Variants in CAPN11 observed in about 807,000 individuals in gnomAD.
The protein encoded by CAPN11 is calpain-11.
Under a neutral mutation model 105.3 loss-of-function variants are expected in CAPN11, and 108 were observed. The ratio of observed to expected loss-of-function variants is 1.03; its 90% CI spans 0.88 to 1.20. The LOEUF (loss-of-function observed/expected upper bound fraction) is 1.20. Ranked by LOEUF, CAPN11 falls within the 50% of genes most tolerant of loss-of-function variation. CAPN11 has a pLI of 0.00. For missense variants in CAPN11, 883 were observed against 924.8 expected, an observed-to-expected ratio of 0.95 and a Z score of 0.59; for synonymous variants, 329 against 344.5, an observed-to-expected ratio of 0.96 and a Z score of 0.50.
chr6:44,183,663 CTT>C, intron 21 of CAPN11, 40 bp from the exon 22 acceptor site: 1 of 1,594,368 alleles, frequency 6.3e-7, no homozygotes, highest in Non-Finnish European at 8.6e-7. Context: ...GGAACACTGA[CTT>C]AGCATTCAGC....
At chr6:44,165,375 G>A (rs940029443) in intron 1 of CAPN11, among the ~76,000 whole-genome samples, 18 of 152,240 alleles carry the variant, frequency 1.2e-4, no homozygotes, top group African/African-American at 4.1e-4. Flanking sequence ...CCATCTCACA[G>A]GTGGAGAAGC....
At chr6:44,175,427 C>A (rs1440515244) in intron 7 of CAPN11, among the ~76,000 whole-genome samples, 1 of 152,018 alleles carries the variant, frequency 6.6e-6, no homozygotes, top group African/African-American at 2.4e-5. Context: ...CTGCAGTGAA[C>A]CGAGATCACA....
At position 44,181,177 on chromosome 6, in the gene CAPN11, A is replaced by AG. The variant is rs1297958705; in HGVS notation, c.1870-73dup. On this transcript the variant is annotated intron_variant, in intron 18 of 22. Coordinates refer to ENST00000398776, the MANE Select transcript of CAPN11 (RefSeq NM_007058.4). ...AACCCCAGGGCTTGTGTGTCCCCTC[A>AG]GGAACCCCCGCTGCTTCCCTATCCC... is the stretch of plus-strand genomic sequence containing the variant. 4.8e-5 allele frequency: 68 copies of AG among 1,408,030 alleles called. No homozygotes were observed. The East Asian group carries it at 1.4e-3, about 30-fold the overall frequency. 87.2% of individuals were successfully genotyped at this position (1,408,030 alleles called of 1,614,324 possible).
rs368155817 is a variant in CAPN11, at chr6:44,169,299, C to T, written c.107C>T (p.Thr36Met). ...TAAGCAGAGCCCACTTTTACTGATACGGGAATGGTGGCTCACATAAACAAC... is the reference window on the plus strand; with the variant it reads ...TAAGCAGAGCCCACTTTTACTGATATGGGAATGGTGGCTCACATAAACAAC... ...GSCAEPTFTD[T>M]GMVAHINNSR... The change falls in exon 3 of 23, where the codon ACG (threonine) becomes ATG (methionine). Residue 36 changes from threonine to methionine, a missense_variant. By Grantham distance (81) the Thr-to-Met change is moderately conservative. Coordinates refer to ENST00000398776, the MANE Select transcript of CAPN11 (RefSeq NM_007058.4). 2.5e-5 allele frequency: 41 copies of T among 1,609,510 alleles called. No individual in the cohort carries two copies. The highest frequency in any genetic ancestry group is 1.9e-4 in the African/African-American group (14 of 74,672).
intron 1 of CAPN11, among the ~76,000 whole-genome samples, chr6:44,163,790 T>A (rs1769331671): frequency 6.6e-6 from 1 of 152,182 alleles, no homozygotes; most frequent in Admixed American, 6.5e-5. Context: ...ACAGGCTCTG[T>A]GGAGAAGCAA....
intron 5 of CAPN11, among the ~76,000 whole-genome samples, chr6:44,172,656 C>T (rs991349897): frequency 2.0e-5 from 3 of 152,234 alleles, no homozygotes; most frequent in African/African-American, 7.2e-5. Flanking sequence ...TTCTCTTCCT[C>T]TCCACTGTGT....
chr6:44,170,051 C>T (rs948826050), intron 4 of CAPN11, 76 bp downstream of exon 4: 3 of 1,189,598 alleles, frequency 2.5e-6, no homozygotes, highest in Non-Finnish European at 2.5e-6. Flanking sequence ...TCTTTTGAAG[C>T]TGGGAAACAG....
intron 1 of CAPN11, among the ~76,000 whole-genome samples, chr6:44,166,341 C>A (rs530230094): frequency 6.3e-4 from 96 of 152,260 alleles, no homozygotes; most frequent in African/African-American, 2.1e-3. Flanking sequence ...GATTTCACCC[C>A]GCGCCCAACC....
chr6:44,172,332 C>T lies in CAPN11; in HGVS notation c.440C>T (p.Ser147Phe). ...GDCWLLAAIG[S>F]LTTCPKLLYR... Reference sequence around the variant, plus strand: ...TGCTGGCTGCTGGCTGCCATCGGCTCCCTTACCACCTGCCCCAAACTGCTA... The same window carrying T: ...TGCTGGCTGCTGGCTGCCATCGGCTTCCTTACCACCTGCCCCAAACTGCTA... The change falls in exon 5 of 23, where the codon TCC (serine) becomes TTC (phenylalanine). Residue 147 changes from serine to phenylalanine, a missense_variant. By Grantham distance (155) the Ser-to-Phe change is radical. Transcript: ENST00000398776. The T allele has an allele frequency of 1.3e-6, 2 of 1,553,198 alleles. No individual in the cohort carries two copies. The highest frequency in any genetic ancestry group is 1.7e-6 in the Non-Finnish European group (2 of 1,147,908).
chr6:44,176,663 T>G lies in CAPN11; in HGVS notation c.1076+8T>G, dbSNP rs368753501. On this transcript the variant is annotated splice_region_variant and intron_variant, in intron 10 of 22. Transcript: ENST00000398776. ...GGAGGACGGGGAGTTCTGGTCAGTG[T>G]GGCTTGGGGTGGGCTTCTTACCACC... 71 of 1,587,256 alleles carry G rather than the reference T, an allele frequency of 4.5e-5. No individual in the cohort carries two copies. The African/African-American group carries it at 8.0e-4, about 18-fold the overall frequency.
chr6:44,165,538 G>C (rs748053996), intron 1 of CAPN11, among the ~76,000 whole-genome samples: 3 of 152,190 alleles, frequency 2.0e-5, no homozygotes, highest in Non-Finnish European at 2.9e-5. Flanking sequence ...ATGCTAAGAG[G>C]GTGCAGTAGA....
At chr6:44,177,101 C>A in intron 11 of CAPN11, 103 bp downstream of exon 11, 1 of 1,495,016 alleles carries the variant, frequency 6.7e-7, no homozygotes, top group South Asian at 1.2e-5. Flanking sequence ...AGTCAGGGTC[C>A]ATGAGGTCAA....
rs1245699250 is a variant in CAPN11 at position 44,172,183 on chromosome 6, C to T, written c.410-119C>T. 44 of 595,928 alleles carry T rather than the reference C, an allele frequency of 7.4e-5. 1 individual carries two copies. Among genetic ancestry groups the T allele is most frequent in the South Asian group, 5.0e-4 (22 of 43,800 alleles). The allele number at this position is 595,928 out of a possible 1,614,324, so 36.9% of individuals were successfully genotyped here. ...AGGGCTGAGGGAGGGTGCCTCTCCG[C>T]CGGGGGGGTGAGAATGGGGTACAGG... is the stretch of plus-strand genomic sequence containing the variant. On this transcript the variant is annotated intron_variant, in intron 4 of 22. Transcript: ENST00000398776.
At chr6:44,177,499 T>TTTC (rs1772302175) in intron 12 of CAPN11, 79 bp downstream of exon 12, 33 of 1,350,278 alleles carry the variant, frequency 2.4e-5, no homozygotes, top group Non-Finnish European at 3.3e-5. Flanking sequence ...TTTCTTTTTT[T>TTTC]TTTTTCGAGA....
intron 7 of CAPN11, among the ~76,000 whole-genome samples, chr6:44,174,296 G>A (rs188108242): frequency 7.2e-5 from 11 of 152,172 alleles, no homozygotes; most frequent in Admixed American, 2.6e-4. Context: ...ATTACACACC[G>A]TGGAATACTA....
At position 44,179,603 on chromosome 6, in the gene CAPN11, T is replaced by C. The variant is rs184644938; in HGVS notation, c.1417-16T>C. 1 of 1,612,822 alleles carries C rather than the reference T, an allele frequency of 6.2e-7. No individual in the cohort carries two copies. Among genetic ancestry groups the C allele is most frequent in the East Asian group, 2.2e-5 (1 of 44,878 alleles). On this transcript the variant is annotated splice_polypyrimidine_tract_variant and intron_variant, in intron 12 of 22. Coordinates refer to ENST00000398776, the MANE Select transcript of CAPN11 (RefSeq NM_007058.4). ...CCACCCTAGAGATCTGACTCTCCTC[T>C]TTCTTCCCTTCCCAGGTCCCAAAAG...
At chr6:44,168,410 C>A (rs1036504428) in intron 2 of CAPN11, among the ~76,000 whole-genome samples, 4 of 151,896 alleles carry the variant, frequency 2.6e-5, no homozygotes, top group Admixed American at 6.6e-5. Context: ...GCTGGGATTA[C>A]AGGCGCCCGC....
Position 44,176,839 on chromosome 6 carries a change from A to G in CAPN11, c.1078A>G (p.Met360Val). Residue 360 changes from methionine to valine, a missense_variant and splice_region_variant, in exon 11 of 23, where the codon ATG (methionine) becomes GTG (valine). Met to Val is a conservative substitution (Grantham distance 21). Coordinates refer to ENST00000398776, the MANE Select transcript of CAPN11 (RefSeq NM_007058.4). ...GGCTCCACCCCCACCCCACCACAGG[A>G]TGTCCTACCAAGATTTCCTGAACAA... ...LHKTEDGEFW[M>V]SYQDFLNNFT... The G allele has an allele frequency of 6.2e-7, 1 of 1,613,772 alleles. No homozygotes were observed. The highest frequency in any genetic ancestry group is 8.5e-7 in the Non-Finnish European group (1 of 1,179,800).
At position 44,180,171 on chromosome 6, in the gene CAPN11, G is replaced by T. The variant is rs1251522227; in HGVS notation, c.1640+8G>T. ...GAAGCACAGCGAGTCATGGTAAGGG[G>T]CTGCAGCTCACTGCTCCAAGGCCCG... On this transcript the variant is annotated splice_region_variant and intron_variant, in intron 14 of 22. Transcript: ENST00000398776. 1.1e-5 allele frequency: 17 copies of T among 1,599,898 alleles called. No individual in the cohort carries two copies. The highest frequency in any genetic ancestry group is 1.5e-5 in the Non-Finnish European group (17 of 1,170,802).
Sources: allele counts gnomAD v4.1 joint callset (sites outside exome capture counted in the v4.1 genomes callset), GRCh38; gene constraint gnomAD v4.1.1; transcripts MANE v1.5; gene names NCBI Gene and HGNC (gene_info 2026-07-23, HGNC 2026-07-21).